The following DHX30 variants were observed in gnomAD, a reference collection of about 807,000 sequenced individuals.
DHX30 encodes the protein ATP-dependent RNA helicase DHX30.
In DHX30, 4 loss-of-function variants were observed where a neutral mutation model predicts 116.9. The ratio of observed to expected loss-of-function variants is 0.03; its 90% CI spans 0.02 to 0.08. DHX30 has a LOEUF of 0.08. Among genes scored for constraint, DHX30 ranks in the 10% least tolerant of loss-of-function variants. DHX30 has a pLI of 1.00. For synonymous variants in DHX30, 697 were observed against 651.7 expected, an observed-to-expected ratio of 1.07 and a Z score of -1.06; for missense variants, 871 against 1,595.1, an observed-to-expected ratio of 0.55 and a Z score of 7.73.
chr3:47,842,702 C>T (rs1449651726), intron 8 of DHX30: 2 of 156,994 alleles, frequency 1.3e-5, no homozygotes, highest in Non-Finnish European at 2.8e-5. Context: ...GTTTCCTTAA[C>T]TCGCCTAAGT....
At chr3:47,840,712 A>G (rs1308199699) in intron 6 of DHX30, among the ~76,000 whole-genome samples, 165 bp from the exon 7 acceptor site, 1 of 152,180 alleles carries the variant, frequency 6.6e-6, no homozygotes, top group East Asian at 1.9e-4. Flanking sequence ...AAAGCTAGGC[A>G]TCTTTGAGAG....
At chr3:47,829,412 T>A (rs2036731487) in intron 6 of DHX30, among the ~76,000 whole-genome samples, 1 of 149,342 alleles carries the variant, frequency 6.7e-6, no homozygotes, top group African/African-American at 2.5e-5. Context: ...GATGCGATCT[T>A]GGCTCACTGC....
chr3:47,847,144 G>A lies in DHX30; in HGVS notation c.1930-129G>A. 2.0e-6 allele frequency: 3 copies of A among 1,472,960 alleles called. No individual in the cohort carries two copies. The highest frequency in any genetic ancestry group is 1.9e-6 in the Non-Finnish European group (2 of 1,064,966). The allele number at this position is 1,472,960 out of a possible 1,614,324, so 91.2% of individuals were successfully genotyped here. ...TTGATAGAAACTGGGGACTAACCCT[G>A]CCTGCGTGGCACACGTGAGGATTGG... On this transcript the variant is annotated intron_variant, in intron 11 of 21. Transcript: ENST00000445061. This position sits in a 1 kb window ranked among gnomAD's most constrained non-coding sequence, Gnocchi z 5.5.
chr3:47,846,780 T>G lies in DHX30; in HGVS notation c.1708T>G (p.Phe570Val). ...EVHERDVNTD[F>V]LLILLKGLQR... ...GCATGAGCGGGACGTGAACACAGACTTTCTGCTGATCCTGCTCAAGGGCCT... is the reference window on the plus strand; with the variant it reads ...GCATGAGCGGGACGTGAACACAGACGTTCTGCTGATCCTGCTCAAGGGCCT... Residue 570 changes from phenylalanine to valine, a missense_variant, in exon 11 of 22, where the codon TTT (phenylalanine) becomes GTT (valine). Phe to Val is a conservative substitution (Grantham distance 50, BLOSUM62 -1). Transcript: ENST00000445061. 6.2e-7 allele frequency: 1 copy of G among 1,613,880 alleles called. No individual in the cohort carries two copies. The highest frequency in any genetic ancestry group is 1.1e-5 in the South Asian group (1 of 91,080).
At position 47,848,373 on chromosome 3, in the gene DHX30, T is replaced by C. The variant is rs2037710393; in HGVS notation, c.2480T>C (p.Met827Thr). 1 of 1,614,078 alleles carries C rather than the reference T, an allele frequency of 6.2e-7. No homozygotes were observed. Among genetic ancestry groups the C allele is most frequent in the African/African-American group, 1.3e-5 (1 of 75,050 alleles). The change falls in exon 15 of 22, where the codon ATG (methionine) becomes ACG (threonine). Residue 827 changes from methionine to threonine, a missense_variant. By Grantham distance (81) the Met-to-Thr change is moderately conservative. Transcript: ENST00000445061. The surrounding 1 kb of genome is among the most constrained non-coding windows in gnomAD (Gnocchi z 9.4). ...CTGGTGCTGCAAGCGAAAATCCACA[T>C]GCCTGAGAAGACGGTGCGGCGGGGC... is the stretch of plus-strand genomic sequence containing the variant. ...ENLVLQAKIH[M>T]PEKTAVEFLS...
Position 47,848,203 on chromosome 3 carries a change from G to C in DHX30, c.2310G>C (p.Trp770Cys). 1.2e-6 allele frequency: 2 copies of C among 1,613,714 alleles called. No homozygotes were observed. The highest frequency in any genetic ancestry group is 1.7e-6 in the Non-Finnish European group (2 of 1,180,032). ...AGGTGTCCTGCCTGGAGACAGTGTG[G>C]GTATCAAGAGCCAATGTGATCCAGC... ...KTKVSCLETVWVSRANVIQRR... is the reference protein window; with the variant it reads ...KTKVSCLETVCVSRANVIQRR... Residue 770 changes from tryptophan (W) to cysteine (C), a missense_variant, in exon 15 of 22, where the codon TGG becomes TGC. Transcript: ENST00000445061. This position sits in a 1 kb window ranked among gnomAD's most constrained non-coding sequence, Gnocchi z 9.4.
rs781318702 is a variant in DHX30, at chr3:47,846,542, A to G, written c.1470A>G (p.Gln490=). The change falls in exon 11 of 22, where the codon CAA becomes CAG. Residue 490 remains glutamine (Q), a synonymous_variant. Coordinates refer to ENST00000445061, the MANE Select transcript of DHX30 (RefSeq NM_138615.3). ...RGARCNVIIT[Q]PRRISAVSVA... ...CCCGCTGCAATGTTATCATCACCCA[A>G]CCTCGCCGCATCTCTGCTGTGTCTG... is the stretch of plus-strand genomic sequence containing the variant. The G allele has an allele frequency of 6.2e-7, 1 of 1,613,768 alleles. No individual in the cohort carries two copies. Among genetic ancestry groups the G allele is most frequent in the East Asian group, 2.2e-5 (1 of 44,858 alleles).
chr3:47,816,986 A>G (rs186788494), intron 3 of DHX30: 14 of 982,828 alleles, frequency 1.4e-5, no homozygotes, highest in East Asian at 2.3e-4. Context: ...CTGCTTTTTC[A>G]GCTCCTTTGC....
chr3:47,834,844 G>A (rs1276653698), intron 6 of DHX30, among the ~76,000 whole-genome samples: 1 of 152,226 alleles, frequency 6.6e-6, no homozygotes, highest in Non-Finnish European at 1.5e-5. Context: ...GGTTGTTTCC[G>A]TATCTTGACT....
At chr3:47,827,913 C>T (rs2036617069) in intron 5 of DHX30, among the ~76,000 whole-genome samples, 1 of 152,058 alleles carries the variant, frequency 6.6e-6, no homozygotes, top group East Asian at 1.9e-4. Flanking sequence ...GGCTGGAGTG[C>T]AGTGGCACAA....
At chr3:47,816,713 G>A in intron 3 of DHX30, 2 of 985,650 alleles carry the variant, frequency 2.0e-6, no homozygotes, top group Non-Finnish European at 2.4e-6. Flanking sequence ...CCAGGTGGAG[G>A]TGGAGTTCTG....
rs778921040 is a variant in DHX30 at position 47,847,533 on chromosome 3, C to T, written c.2107C>T (p.Pro703Ser). ...GMHESKYLIL[P>S]VHSNIPMMDQ... The stretch of plus-strand genomic sequence containing the variant: ...GCACGAGAGCAAGTACCTCATCCTG[C>T]CAGGTGAGAGCCCCGGCGGAGGGAC... Residue 703 changes from proline to serine, a missense_variant, in exon 13 of 22, where the codon CCA (proline) becomes TCA (serine). Pro to Ser is a moderately conservative substitution (Grantham distance 74). Transcript: ENST00000445061. This position sits in a 1 kb window ranked among gnomAD's most constrained non-coding sequence, Gnocchi z 5.5. 1.2e-6 allele frequency: 2 copies of T among 1,604,094 alleles called. No homozygotes were observed.
intron 4 of DHX30, chr3:47,826,258 C>G (rs1309859502): frequency 6.6e-6 from 1 of 152,030 alleles, no homozygotes; most frequent in African/African-American, 2.4e-5. Flanking sequence ...CCTGGTTAAG[C>G]CTTGTGTCTG....
chr3:47,804,276 C>T (rs918349337), intron 1 of DHX30, among the ~76,000 whole-genome samples: 1 of 152,136 alleles, frequency 6.6e-6, no homozygotes, highest in Admixed American at 6.6e-5. Context: ...TTATTAGGGC[C>T]GGGAGCGGTG....
chr3:47,843,414 T>C (rs1169688146), intron 9 of DHX30, among the ~76,000 whole-genome samples, 159 bp downstream of exon 9: 3 of 152,238 alleles, frequency 2.0e-5, no homozygotes, highest in African/African-American at 7.2e-5. Context: ...TTGTAGGCCC[T>C]GTGGCTGTTG....
chr3:47,847,105 A>G lies in DHX30; in HGVS notation c.1929+104A>G. 4.0e-6 allele frequency: 6 copies of G among 1,500,054 alleles called. No individual in the cohort carries two copies. In the South Asian group the frequency reaches 7.5e-5, roughly 19 times the overall value. The allele number at this position is 1,500,054 out of a possible 1,614,324, so 92.9% of individuals were successfully genotyped here. A position where few individuals can be genotyped will look rare whatever the true frequency, so the allele number is the denominator to read the frequency against. On this transcript the variant is annotated intron_variant, in intron 11 of 21. Transcript: ENST00000445061. This position sits in a 1 kb window ranked among gnomAD's most constrained non-coding sequence, Gnocchi z 5.5. ...GTGCCTGGGGCAAGTTACCCTCCCC[A>G]GTCCTCGGTTTCCTTGATAGAAACT... is the stretch of plus-strand genomic sequence containing the variant.
intron 4 of DHX30, 92 bp downstream of exon 4, chr3:47,818,209 C>T (rs2036144933): frequency 1.4e-6 from 1 of 709,920 alleles, no homozygotes; most frequent in Admixed American, 2.0e-5. Context: ...GGGCCACAGC[C>T]CTCCAGAAAG....
rs757649218 is a variant in DHX30, at chr3:47,846,530, T to A, written c.1458T>A (p.Val486=). ...VTEGRGARCN[V]IITQPRRISA... is the part of the protein sequence containing the mutation. The stretch of plus-strand genomic sequence containing the variant: ...AGGGCCGAGGTGCCCGCTGCAATGT[T>A]ATCATCACCCAACCTCGCCGCATCT... Residue 486 remains valine, a synonymous_variant, in exon 11 of 22, where the codon GTT becomes GTA. Transcript: ENST00000445061. 30 of 1,614,090 alleles carry A rather than the reference T, an allele frequency of 1.9e-5. No homozygotes were observed. The highest frequency in any genetic ancestry group is 2.5e-5 in the Non-Finnish European group (30 of 1,180,022).
rs747433000 is a variant in DHX30 at position 47,848,065 on chromosome 3, C to T, written c.2286+109C>T. ...CCTGCTTTGTGTGTCTTCAGAAGGC[C>T]GCGCTTGTGGGGTCTCAGTGTTCCT... On this transcript the variant is annotated intron_variant, in intron 14 of 21. Coordinates refer to ENST00000445061, the MANE Select transcript of DHX30 (RefSeq NM_138615.3). This position sits in a 1 kb window ranked among gnomAD's most constrained non-coding sequence, Gnocchi z 9.4. 9 of 1,578,990 alleles carry T rather than the reference C, an allele frequency of 5.7e-6. No homozygotes were observed. Among genetic ancestry groups the T allele is most frequent in the Middle Eastern group, 1.8e-4 (1 of 5,504 alleles).
Sources: allele counts gnomAD v4.1 joint callset (sites outside exome capture counted in the v4.1 genomes callset), GRCh38; gene constraint gnomAD v4.1.1; non-coding constraint Gnocchi (gnomAD v3.1); transcripts MANE v1.5; gene names NCBI Gene and HGNC (gene_info 2026-07-23, HGNC 2026-07-21).